PDE11A: variants seen among roughly 807,000 people sequenced by gnomAD.
PDE11A encodes dual 3',5'-cyclic-AMP and -GMP phosphodiesterase 11A.
PDE11A carries 100 observed loss-of-function variants against 100.5 expected under a neutral mutation model. That is an observed-to-expected ratio of 1.00 (90% CI 0.85 to 1.18). The LOEUF is 1.18. PDE11A is among the 50% of genes most tolerant of loss of function. The pLI is 0.00. For synonymous variants in PDE11A, 381 were observed against 420.8 expected, an observed-to-expected ratio of 0.91 and a Z score of 1.16; for missense variants, 1,141 against 1,152.6, an observed-to-expected ratio of 0.99 and a Z score of 0.15.
At chr2:177,680,034 T>C (rs1464224203) in intron 16 of PDE11A, among the ~76,000 whole-genome samples, 2 of 152,070 alleles carry the variant, frequency 1.3e-5, no homozygotes, top group Non-Finnish European at 2.9e-5. Context: ...CAGTGGCCTG[T>C]GTTCAGAAGA....
chr2:177,981,940 T>C (rs915545728), intron 2 of PDE11A, among the ~76,000 whole-genome samples: 73 of 150,916 alleles, frequency 4.8e-4, no homozygotes, highest in African/African-American at 1.7e-3. Flanking sequence ...GGCAGGATAT[T>C]GACTCCTTTG....
At chr2:177,949,446 C>T (rs546855878) in intron 2 of PDE11A, among the ~76,000 whole-genome samples, 2 of 152,036 alleles carry the variant, frequency 1.3e-5, no homozygotes, top group Admixed American at 6.5e-5. Flanking sequence ...CCTTCATATA[C>T]GTATATAGAT....
intron 6 of PDE11A, among the ~76,000 whole-genome samples, chr2:177,827,574 C>G (rs2083245284): frequency 1.3e-5 from 2 of 152,172 alleles, no homozygotes; most frequent in South Asian, 4.1e-4. Flanking sequence ...GAAGGAAATA[C>G]TGAATTAAAC....
intron 2 of PDE11A, among the ~76,000 whole-genome samples, chr2:177,933,478 C>T (rs971426654): frequency 3.9e-5 from 6 of 152,134 alleles, no homozygotes; most frequent in South Asian, 2.1e-4. Flanking sequence ...GTCAGGAGTT[C>T]GAGACCAGCT....
At chr2:177,859,388 A>G (rs2083904655) in intron 5 of PDE11A, among the ~76,000 whole-genome samples, 1 of 151,858 alleles carries the variant, frequency 6.6e-6, no homozygotes, top group Admixed American at 6.6e-5. Flanking sequence ...TATCTATACA[A>G]TAAAATATTA....
intron 9 of PDE11A, among the ~76,000 whole-genome samples, chr2:177,781,660 C>T (rs1307741945): frequency 6.6e-6 from 1 of 152,146 alleles, no homozygotes; most frequent in Non-Finnish European, 1.5e-5. Flanking sequence ...TGCCACCACA[C>T]CCAGCTGATT....
At chr2:177,890,607 G>A (rs2084514950) in intron 4 of PDE11A, among the ~76,000 whole-genome samples, 1 of 152,198 alleles carries the variant, frequency 6.6e-6, no homozygotes, top group Non-Finnish European at 1.5e-5. Context: ...TATGGAGTCT[G>A]CATGTCTTGT....
At chr2:178,060,528 TATC>T (rs956332325) in intron 1 of PDE11A, among the ~76,000 whole-genome samples, 2 of 152,166 alleles carry the variant, frequency 1.3e-5, no homozygotes, top group African/African-American at 4.8e-5. Flanking sequence ...AGACAGAAGG[TATC>T]ATTATCCTCA....
intron 2 of PDE11A, among the ~76,000 whole-genome samples, chr2:177,923,085 T>C (rs763298741): frequency 3.9e-5 from 6 of 152,142 alleles, no homozygotes; most frequent in Admixed American, 1.3e-4. Context: ...TATGCTTTTA[T>C]AGCTCTAATG....
chr2:177,965,066 G>A (rs181580248), intron 2 of PDE11A, among the ~76,000 whole-genome samples: 1 of 152,250 alleles, frequency 6.6e-6, no homozygotes, highest in Non-Finnish European at 1.5e-5. Context: ...GAGCCATTCT[G>A]AGTGGTGTGA....
chr2:178,072,688 G>C lies in PDE11A; in HGVS notation c.-251C>G. 7.1e-7 allele frequency: 1 copy of C among 1,410,770 alleles called. No individual in the cohort carries two copies. The highest frequency in any genetic ancestry group is 9.2e-7 in the Non-Finnish European group (1 of 1,084,556). 87.4% of individuals were successfully genotyped at this position (1,410,770 alleles called of 1,614,324 possible). A position where few individuals can be genotyped will look rare whatever the true frequency, so the allele number is the denominator to read the frequency against. The stretch of plus-strand genomic sequence containing the variant: ...CACAGGTGCCCAGCACTGAGCTGCC[G>C]CCGCTGCCCCGGCTCCTGTTCCGGA... On this transcript the variant is annotated 5_prime_UTR_variant, in exon 1 of 20. Transcript: ENST00000286063.
intron 10 of PDE11A, among the ~76,000 whole-genome samples, chr2:177,750,005 T>C (rs1382881460): frequency 1.3e-5 from 2 of 152,226 alleles, no homozygotes; most frequent in African/African-American, 4.8e-5. Context: ...TAATCTCAGC[T>C]GCACATAAGA....
intron 9 of PDE11A, among the ~76,000 whole-genome samples, chr2:177,810,222 G>C (rs2082929446): frequency 6.6e-6 from 1 of 152,194 alleles, no homozygotes; most frequent in South Asian, 2.1e-4. Context: ...TTCCATTCCA[G>C]AATGTTGTCA....
chr2:177,748,233 G>C (rs547268211), intron 10 of PDE11A, among the ~76,000 whole-genome samples: 1 of 152,124 alleles, frequency 6.6e-6, no homozygotes, highest in Admixed American at 6.5e-5. Context: ...TACTTTCAAA[G>C]TCAGAATTAC....
intron 1 of PDE11A, among the ~76,000 whole-genome samples, chr2:178,104,998 T>C (rs1437605354): frequency 3.3e-5 from 5 of 152,186 alleles, no homozygotes; most frequent in Non-Finnish European, 5.9e-5. Context: ...AATGCAGCCA[T>C]AGAAACCTGT....
At chr2:178,023,785 A>G (rs2086443538) in intron 1 of PDE11A, among the ~76,000 whole-genome samples, 1 of 152,218 alleles carries the variant, frequency 6.6e-6, no homozygotes, top group African/African-American at 2.4e-5. Flanking sequence ...GAGTTACAAA[A>G]TATAGCTCAA....
At chr2:177,891,040 C>G (rs1488484488) in intron 4 of PDE11A, among the ~76,000 whole-genome samples, 1 of 152,178 alleles carries the variant, frequency 6.6e-6, no homozygotes, top group African/African-American at 2.4e-5. Flanking sequence ...TACATTTTCA[C>G]TACTATAGGA....
At position 177,772,226 on chromosome 2, in the gene PDE11A, G is replaced by T. The variant is rs1321556627; in HGVS notation, c.1738-2853C>A. Among the ~76,000 whole-genome samples the T allele has an allele frequency of 2.0e-5, 3 of 152,044 alleles. No homozygotes were observed. The East Asian group carries it at 5.8e-4, about 29-fold the overall frequency. ...ATTGAGAGATAAATATGTTCTATGA[G>T]GTTTGGTTATTAAAAATAAAGATAT... On this transcript the variant is annotated intron_variant, in intron 9 of 19. Transcript: ENST00000286063.
intron 1 of PDE11A, among the ~76,000 whole-genome samples, chr2:178,034,949 A>G (rs772659391): frequency 1.3e-5 from 2 of 152,212 alleles, no homozygotes; most frequent in Non-Finnish European, 2.9e-5. Flanking sequence ...GCACCCTAAC[A>G]TCACAATTAA....
Sources: gnomAD v4.1 joint callset for allele counts (sites outside exome capture counted in the v4.1 genomes callset) on GRCh38, gnomAD v4.1.1 for gene constraint, MANE v1.5 for transcripts, NCBI Gene and HGNC (gene_info 2026-07-23, HGNC 2026-07-21) for gene names.